FUT9: variants seen among roughly 807,000 people sequenced by gnomAD.
FUT9 encodes 4-galactosyl-N-acetylglucosaminide 3-alpha-L-fucosyltransferase 9.
In FUT9, 15 loss-of-function variants were observed where a neutral mutation model predicts 29.7. The ratio of observed to expected loss-of-function variants is 0.51; its 90% CI spans 0.34 to 0.78. The LOEUF is 0.78. Ranked by LOEUF, FUT9 falls within the 30% of genes least tolerant of loss-of-function variation. The probability of loss-of-function intolerance (pLI) is 0.01; values close to 1 mark genes in which losing one functional copy is unlikely to be tolerated. For missense variants in FUT9, 319 were observed against 425.4 expected, an observed-to-expected ratio of 0.75 and a Z score of 2.20; for synonymous variants, 169 against 153.7, an observed-to-expected ratio of 1.10 and a Z score of -0.74.
chr6:96,162,418 A>T (rs1463924788), intron 2 of FUT9, among the ~76,000 whole-genome samples: 1 of 152,194 alleles, frequency 6.6e-6, no homozygotes, highest in African/African-American at 2.4e-5. Flanking sequence ...TCTTCTAGGT[A>T]TTGGAAAATA....
chr6:96,147,800 T>C (rs980884279), intron 2 of FUT9, among the ~76,000 whole-genome samples: 1 of 150,774 alleles, frequency 6.6e-6, no homozygotes, highest in African/African-American at 2.4e-5. Flanking sequence ...CCATGACGGA[T>C]TCAGGCTTGC....
chr6:96,194,568 G>T (rs1187396287), intron 2 of FUT9, among the ~76,000 whole-genome samples: 1 of 152,128 alleles, frequency 6.6e-6, no homozygotes, highest in Non-Finnish European at 1.5e-5. Context: ...GCTAGGTTAG[G>T]TGTGGATATG....
chr6:96,195,126 A>G (rs6571117), intron 2 of FUT9, among the ~76,000 whole-genome samples: 139,202 of 152,174 alleles, frequency 0.91, 64,954 homozygotes, highest in Non-Finnish European at 1. Context: ...TTTGCAGTAC[A>G]GGAAAAGCGG....
At chr6:96,022,135 G>A (rs537922656) in intron 1 of FUT9, among the ~76,000 whole-genome samples, 1 of 151,964 alleles carries the variant, frequency 6.6e-6, no homozygotes, top group African/African-American at 2.4e-5. Context: ...GACATGAGAT[G>A]AGCTACAAGA....
At chr6:96,028,166 G>A (rs565708002) in intron 1 of FUT9, among the ~76,000 whole-genome samples, 1 of 151,392 alleles carries the variant, frequency 6.6e-6, no homozygotes, top group Non-Finnish European at 1.5e-5. Context: ...ATTCTGTAGA[G>A]AGAAGAAGGG....
chr6:96,033,907 C>G (rs1047291418), intron 1 of FUT9, among the ~76,000 whole-genome samples: 2 of 151,268 alleles, frequency 1.3e-5, no homozygotes, highest in African/African-American at 4.8e-5. Flanking sequence ...AATATATACA[C>G]AAATACACAC....
chr6:96,125,677 C>G (rs1377692486), intron 2 of FUT9, among the ~76,000 whole-genome samples: 1 of 152,140 alleles, frequency 6.6e-6, no homozygotes, highest in African/African-American at 2.4e-5. Context: ...TGAACCTCCA[C>G]CTGCACCCTC....
intron 2 of FUT9, among the ~76,000 whole-genome samples, chr6:96,149,370 A>C (rs1772635632): frequency 6.6e-6 from 1 of 152,128 alleles, no homozygotes; most frequent in Non-Finnish European, 1.5e-5. Context: ...AGAAACTACA[A>C]TGGAACATTA....
chr6:96,118,181 G>A (rs1220891173), intron 2 of FUT9, among the ~76,000 whole-genome samples: 1 of 141,050 alleles, frequency 7.1e-6, no homozygotes, highest in East Asian at 2.2e-4. Flanking sequence ...GTCCAGCCTG[G>A]GCAAGAGAGT....
At chr6:96,051,906 A>C (rs1055499694) in intron 1 of FUT9, among the ~76,000 whole-genome samples, 1 of 152,142 alleles carries the variant, frequency 6.6e-6, no homozygotes, top group Non-Finnish European at 1.5e-5. Context: ...ATGTCTCTGA[A>C]AAAGGACTGC....
intron 1 of FUT9, among the ~76,000 whole-genome samples, chr6:96,018,803 G>A (rs1306991336): frequency 6.6e-6 from 1 of 152,010 alleles, no homozygotes; most frequent in Non-Finnish European, 1.5e-5. Flanking sequence ...GGTTAAGGAA[G>A]AGAAAGCTGC....
intron 2 of FUT9, among the ~76,000 whole-genome samples, chr6:96,179,756 G>GAA (rs34087396): frequency 0.15 from 22,342 of 151,570 alleles, 1,838 homozygotes; most frequent in Non-Finnish European, 0.18. Context: ...GAGAACACCT[G>GAA]AAAAAAAATA....
chr6:96,131,344 TTTC>T (rs1369518299), intron 2 of FUT9, among the ~76,000 whole-genome samples: 1 of 152,114 alleles, frequency 6.6e-6, no homozygotes, highest in Non-Finnish European at 1.5e-5. Context: ...CAACTTATTT[TTTC>T]TTTCCTTCTC....
intron 2 of FUT9, among the ~76,000 whole-genome samples, chr6:96,171,733 C>T (rs1773116702): frequency 6.6e-6 from 1 of 152,084 alleles, no homozygotes. Flanking sequence ...TGCAGCAAAA[C>T]TTTGAATCCT....
intron 2 of FUT9, among the ~76,000 whole-genome samples, chr6:96,179,832 G>C (rs756581589): frequency 6.6e-6 from 1 of 151,978 alleles, no homozygotes; most frequent in African/African-American, 2.4e-5. Flanking sequence ...TCTTAATCTC[G>C]TACAGCCAGA....
intron 1 of FUT9, among the ~76,000 whole-genome samples, chr6:96,085,861 C>T (rs768196458): frequency 4.2e-4 from 64 of 152,180 alleles, no homozygotes; most frequent in Non-Finnish European, 7.1e-4. Context: ...ATTATTTAGT[C>T]GTTCCTCTGG....
At chr6:96,089,504 G>A (rs1366840897) in intron 1 of FUT9, among the ~76,000 whole-genome samples, 1 of 152,184 alleles carries the variant, frequency 6.6e-6, no homozygotes, top group East Asian at 1.9e-4. Flanking sequence ...GTTGTTTGAT[G>A]TATTTGCTTT....
At chr6:96,062,791 G>T (rs1169043208) in intron 1 of FUT9, among the ~76,000 whole-genome samples, 1 of 151,798 alleles carries the variant, frequency 6.6e-6, no homozygotes, top group East Asian at 1.9e-4. Context: ...TTTCCCCTTT[G>T]TAAAAAAAGA....
At chr6:96,087,761 A>C (rs1410840078) in intron 1 of FUT9, among the ~76,000 whole-genome samples, 1 of 152,168 alleles carries the variant, frequency 6.6e-6, no homozygotes, top group Non-Finnish European at 1.5e-5. Flanking sequence ...GTTTTGCTCT[A>C]AACAGTAAAT....
Sources: allele counts gnomAD v4.1 joint callset (sites outside exome capture counted in the v4.1 genomes callset), GRCh38; gene constraint gnomAD v4.1.1; transcripts MANE v1.5; gene names NCBI Gene and HGNC (gene_info 2026-07-23, HGNC 2026-07-21).